PC: variants seen among roughly 807,000 people sequenced by gnomAD.
PC encodes pyruvate carboxylase.
PC carries 46 observed loss-of-function variants against 107.8 expected under a neutral mutation model. The ratio of observed to expected loss-of-function variants is 0.43; its 90% CI spans 0.34 to 0.55. The LOEUF (loss-of-function observed/expected upper bound fraction) is 0.55. Among genes scored for constraint, PC ranks in the 20% least tolerant of loss-of-function variants. The pLI is 0.04. For missense variants in PC, 1,241 were observed against 1,643.1 expected, an observed-to-expected ratio of 0.76 and a Z score of 4.23; for synonymous variants, 662 against 684.7, an observed-to-expected ratio of 0.97 and a Z score of 0.52.
chr11:66,912,532 C>T (rs576972818), intron 3 of PC, among the ~76,000 whole-genome samples: 3 of 152,330 alleles, frequency 2.0e-5, no homozygotes, highest in East Asian at 3.9e-4. Context: ...CTGACCTCAG[C>T]GCTGTGTGAC....
chr11:66,940,326 G>C (rs1949100281), intron 3 of PC, among the ~76,000 whole-genome samples: 1 of 151,734 alleles, frequency 6.6e-6, no homozygotes, highest in African/African-American at 2.4e-5. Context: ...AGTCTCCCTG[G>C]TAGTTGGGAC....
intron 3 of PC, among the ~76,000 whole-genome samples, chr11:66,872,448 T>A (rs1293115969): frequency 6.6e-6 from 1 of 152,040 alleles, no homozygotes; most frequent in African/African-American, 2.4e-5. Context: ...CACCTCAGCC[T>A]CCTGAGTAGT....
At position 66,857,675 on chromosome 11, in the gene PC, G is replaced by T; in HGVS notation, c.1369-4292C>A. 1 of 1,495,552 alleles carries T rather than the reference G, an allele frequency of 6.7e-7. No homozygotes were observed. The highest frequency in any genetic ancestry group is 8.9e-7 in the Non-Finnish European group (1 of 1,120,134). 92.6% of individuals were successfully genotyped at this position (1,495,552 alleles called of 1,614,324 possible). Reference sequence around the variant, plus strand: ...GAAGCTGGCTTCTGGGACTGTCCTGGGCCCAAGTGGGCACCTGCGCCAGCC... The same window carrying T: ...GAAGCTGGCTTCTGGGACTGTCCTGTGCCCAAGTGGGCACCTGCGCCAGCC... On this transcript the variant is annotated intron_variant, in intron 12 of 22. Coordinates refer to ENST00000393960, the MANE Select transcript of PC (RefSeq NM_001040716.2). This position sits in a 1 kb window ranked among gnomAD's most constrained non-coding sequence, Gnocchi z 7.1.
intron 12 of PC, among the ~76,000 whole-genome samples, chr11:66,862,504 C>T (rs996710865): frequency 6.6e-6 from 1 of 152,172 alleles, no homozygotes; most frequent in Non-Finnish European, 1.5e-5. Context: ...AAGGAGGACA[C>T]GAGGCCAAGG....
chr11:66,909,392 A>C (rs1009755639), intron 3 of PC, among the ~76,000 whole-genome samples: 1 of 152,140 alleles, frequency 6.6e-6, no homozygotes, highest in African/African-American at 2.4e-5. Context: ...TTCATTCCTC[A>C]GCACACAGAG....
chr11:66,883,426 C>A (rs541569312), intron 3 of PC, among the ~76,000 whole-genome samples: 2 of 152,298 alleles, frequency 1.3e-5, no homozygotes, highest in South Asian at 4.1e-4. Flanking sequence ...TGTCCCCATT[C>A]CTCCACATCC....
chr11:66,851,886 T>G lies in PC; in HGVS notation c.1886A>C (p.Glu629Ala), dbSNP rs754974790. Residue 629 changes from glutamate to alanine, a missense_variant, in exon 16 of 23, where the codon GAG becomes GCG. Physicochemically the swap from Glu to Ala is moderately radical, Grantham distance 107 (BLOSUM62 -1). Around this residue, in one of 2 missense-constraint regions of PC, gnomAD observed 1,143 missense variants for 1,551.9 expected, o/e 0.74. Coordinates refer to ENST00000393960, the MANE Select transcript of PC (RefSeq NM_001040716.2). The part of the protein sequence containing the change: ...LYECPWRRLQ[E>A]LRELIPNIPF... ...GATGTTGGGGATGAGCTCCCGGAGC[T>G]CCTGCAGCCGCCGCCAGGGGCACTC... 9 of 1,613,912 alleles carry G rather than the reference T, an allele frequency of 5.6e-6. No homozygotes were observed. Among genetic ancestry groups the G allele is most frequent in the Non-Finnish European group, 7.6e-6 (9 of 1,179,980 alleles).
intron 12 of PC, among the ~76,000 whole-genome samples, chr11:66,854,857 C>T (rs960922211): frequency 2.0e-5 from 3 of 152,234 alleles, no homozygotes; most frequent in African/African-American, 4.8e-5. Context: ...CCCTGAGCCT[C>T]GCCCCTGCCT....
intron 3 of PC, among the ~76,000 whole-genome samples, chr11:66,920,636 C>A (rs1441130952): frequency 2.0e-5 from 3 of 152,156 alleles, no homozygotes; most frequent in African/African-American, 2.4e-5. Context: ...GCCGCACCCT[C>A]CTCCAAGCAG....
chr11:66,942,242 C>CA (rs1018423822), intron 3 of PC, among the ~76,000 whole-genome samples: 7 of 146,520 alleles, frequency 4.8e-5, no homozygotes, highest in African/African-American at 1.8e-4. Context: ...ACTAAATATA[C>CA]AAAAAAAATT....
intron 3 of PC, among the ~76,000 whole-genome samples, chr11:66,925,753 T>G (rs1948701897): frequency 1.3e-5 from 2 of 152,166 alleles, no homozygotes; most frequent in African/African-American, 2.4e-5. Context: ...CCCTGAAATC[T>G]TCACAATTTA....
intron 3 of PC, among the ~76,000 whole-genome samples, chr11:66,889,086 A>G (rs1947473622): frequency 6.6e-6 from 1 of 152,176 alleles, no homozygotes; most frequent in Non-Finnish European, 1.5e-5. Context: ...AAAACAAAAC[A>G]AAACAAAAAT....
intron 3 of PC, among the ~76,000 whole-genome samples, chr11:66,893,354 G>T (rs1347711591): frequency 1.3e-5 from 2 of 152,186 alleles, no homozygotes; most frequent in East Asian, 1.9e-4. Context: ...CAGAGACGGG[G>T]AGTGAGGGGA....
At chr11:66,855,083 T>G (rs2135834368) in intron 12 of PC, among the ~76,000 whole-genome samples, 1 of 152,382 alleles carries the variant, frequency 6.6e-6, no homozygotes, top group South Asian at 2.1e-4. Context: ...AGACCCACAC[T>G]GTTGCTGGGA....
chr11:66,919,365 A>G lies in PC; in HGVS notation c.-1+33065T>C, dbSNP rs371842355. ...TGGGAGGCAGAAGTTGCCATGAGCC[A>G]AGATTGAGCCACCGTACTCCAGCCT... is the stretch of plus-strand genomic sequence containing the variant. On this transcript the variant is annotated intron_variant, in intron 3 of 22. Transcript: ENST00000393960. 2.1e-3 allele frequency among the ~76,000 whole-genome samples: 325 copies of G among 152,328 alleles called. 1 individual carries two copies. The highest frequency in any genetic ancestry group is 7.5e-3 in the African/African-American group (313 of 41,574).
rs1105466 is a variant in PC at position 66,893,351 on chromosome 11, G to C, written c.1-21192C>G. 1.4e-4 allele frequency among the ~76,000 whole-genome samples: 22 copies of C among 152,274 alleles called. No homozygotes were observed. In the East Asian group the frequency reaches 4.2e-3, roughly 29 times the overall value. Reference sequence around the variant, plus strand: ...GCAAATCCCAGAAGGGCCCAGAGACGGGGAGTGAGGGGAGCAGCGTAGACA... The same window carrying C: ...GCAAATCCCAGAAGGGCCCAGAGACCGGGAGTGAGGGGAGCAGCGTAGACA... On this transcript the variant is annotated intron_variant, in intron 3 of 22. Transcript: ENST00000393960.
At chr11:66,885,186 G>A (rs1427962603) in intron 3 of PC, among the ~76,000 whole-genome samples, 1 of 152,178 alleles carries the variant, frequency 6.6e-6, no homozygotes, top group Non-Finnish European at 1.5e-5. Flanking sequence ...TAGCACCTAG[G>A]TCAGAATGTG....
chr11:66,927,457 C>T (rs1948743948), intron 3 of PC, among the ~76,000 whole-genome samples: 3 of 151,860 alleles, frequency 2.0e-5, no homozygotes, highest in Admixed American at 6.6e-5. Context: ...CGCAGTGGCT[C>T]ATGCCTGTAA....
At chr11:66,917,768 G>A (rs1328549755) in intron 3 of PC, among the ~76,000 whole-genome samples, 1 of 152,216 alleles carries the variant, frequency 6.6e-6, no homozygotes, top group African/African-American at 2.4e-5. Flanking sequence ...TATAATAACG[G>A]AGAAATTTAT....
Sources: allele counts gnomAD v4.1 joint callset (sites outside exome capture counted in the v4.1 genomes callset), GRCh38; gene constraint gnomAD v4.1.1; regional missense constraint gnomAD v4.1.1; non-coding constraint Gnocchi (gnomAD v3.1); transcripts MANE v1.5; gene names NCBI Gene and HGNC (gene_info 2026-07-23, HGNC 2026-07-21).